TOP6BL: variants seen among roughly 807,000 people sequenced by gnomAD.
The protein encoded by TOP6BL is type 2 DNA topoisomerase 6 subunit B-like.
chr11:66,812,337 C>T, the TOP6BL span, among the ~76,000 whole-genome samples: 13 of 152,136 alleles, frequency 8.5e-5, no homozygotes, highest in Middle Eastern at 3.4e-3. Flanking sequence ...CCACTACGCC[C>T]GGCTAATTTT....
chr11:66,830,254 T>G, the TOP6BL span, among the ~76,000 whole-genome samples: 1 of 152,216 alleles, frequency 6.6e-6, no homozygotes, highest in Non-Finnish European at 1.5e-5. Context: ...AAAAGAAAGC[T>G]ATCTAGAAAA....
At chr11:66,818,784 T>C in the TOP6BL span, among the ~76,000 whole-genome samples, 1 of 152,192 alleles carries the variant, frequency 6.6e-6, no homozygotes, top group Non-Finnish European at 1.5e-5. Context: ...CCTTGGATAA[T>C]GCAAGCCTGA....
chr11:66,804,269 A>G, the TOP6BL span: 2 of 1,101,488 alleles, frequency 1.8e-6, no homozygotes, highest in Non-Finnish European at 2.5e-6. Context: ...AGCCTTTAGT[A>G]TGTGAATTCT....
the TOP6BL span, among the ~76,000 whole-genome samples, chr11:66,798,310 G>A: frequency 1.6e-4 from 25 of 151,998 alleles, no homozygotes; most frequent in Non-Finnish European, 3.1e-4. Flanking sequence ...TTAAAAAGGA[G>A]GTGAAGGGGC....
the TOP6BL span, among the ~76,000 whole-genome samples, chr11:66,823,395 C>T: frequency 1.3e-5 from 2 of 151,864 alleles, no homozygotes; most frequent in Non-Finnish European, 2.9e-5. Context: ...ATTTGCTCCA[C>T]TGTGATGCTA....
the TOP6BL span, among the ~76,000 whole-genome samples, chr11:66,837,230 C>T: frequency 6.6e-6 from 1 of 151,160 alleles, no homozygotes; most frequent in Non-Finnish European, 1.5e-5. Context: ...GGGTTCACGC[C>T]ATTCTTCTGC....
At chr11:66,786,743 CAGAAAG>C in the TOP6BL span, among the ~76,000 whole-genome samples, 19 of 152,210 alleles carry the variant, frequency 1.2e-4, no homozygotes, top group African/African-American at 4.3e-4. Context: ...TGCCTTAGGT[CAGAAAG>C]TTGATCAGTG....
the TOP6BL span, among the ~76,000 whole-genome samples, chr11:66,803,598 T>C: frequency 6.6e-6 from 1 of 152,290 alleles, no homozygotes; most frequent in South Asian, 2.1e-4. Context: ...ACAGCTATTG[T>C]ATCTTTAGTA....
chr11:66,790,829 T>C, the TOP6BL span, among the ~76,000 whole-genome samples: 1 of 152,184 alleles, frequency 6.6e-6, no homozygotes, highest in African/African-American at 2.4e-5. Context: ...AGGCTAGTTA[T>C]CTGCTTGGAT....
chr11:66,843,238 G>C, the TOP6BL span: 1 of 1,608,468 alleles, frequency 6.2e-7, no homozygotes, highest in South Asian at 1.1e-5. Context: ...GCCCTGAGCC[G>C]GGTCCCCTTC....
the TOP6BL span, among the ~76,000 whole-genome samples, chr11:66,770,084 GATT>G: frequency 6.6e-6 from 1 of 152,004 alleles, no homozygotes; most frequent in South Asian, 2.1e-4. Context: ...GGGAGAGAGA[GATT>G]ATTCTCTTTT....
the TOP6BL span, among the ~76,000 whole-genome samples, chr11:66,837,166 G>A: frequency 6.0e-4 from 91 of 151,096 alleles, 1 homozygote; most frequent in African/African-American, 1.9e-3. Flanking sequence ...TCACTCTGTC[G>A]CCCAGGCTGG....
the TOP6BL span, among the ~76,000 whole-genome samples, chr11:66,811,183 T>G: frequency 6.6e-6 from 1 of 151,192 alleles, no homozygotes; most frequent in Non-Finnish European, 1.5e-5. Flanking sequence ...ATTTCTTTTT[T>G]TTGAGATGGA....
the TOP6BL span, among the ~76,000 whole-genome samples, chr11:66,784,116 C>T: frequency 1.3e-5 from 2 of 152,068 alleles, no homozygotes; most frequent in African/African-American, 2.4e-5. Flanking sequence ...CTGCAAGCTC[C>T]ACCTCCTGGG....
At chr11:66,838,468 G>A in the TOP6BL span, 1 of 1,605,780 alleles carries the variant, frequency 6.2e-7, no homozygotes, top group South Asian at 1.1e-5. Flanking sequence ...CTTTTCAAGT[G>A]AGCCCTGGAC....
the TOP6BL span, among the ~76,000 whole-genome samples, chr11:66,789,024 G>A: frequency 6.6e-6 from 1 of 152,136 alleles, no homozygotes; most frequent in Non-Finnish European, 1.5e-5. Flanking sequence ...TGAGGGCCCT[G>A]CCTCCAAACA....
At chr11:66,825,796 C>T in the TOP6BL span, among the ~76,000 whole-genome samples, 1 of 151,740 alleles carries the variant, frequency 6.6e-6, no homozygotes, top group African/African-American at 2.4e-5. Flanking sequence ...TGTGTGCTGA[C>T]CAACTGGTAT....
the TOP6BL span, chr11:66,843,367 G>A: frequency 4.9e-6 from 7 of 1,443,144 alleles, no homozygotes; most frequent in African/African-American, 1.5e-5. Flanking sequence ...CGGGCGGGGC[G>A]GGGCGGGGCG....
the TOP6BL span, chr11:66,762,354 C>A: frequency 1.1e-5 from 4 of 373,842 alleles, no homozygotes; most frequent in South Asian, 7.5e-5. Context: ...AAGCCGGCGA[C>A]GCAGAAGCCC....
Sources: allele counts gnomAD v4.1 joint callset (sites outside exome capture counted in the v4.1 genomes callset), GRCh38; gene constraint gnomAD v4.1.1; transcripts MANE v1.5; gene names NCBI Gene and HGNC (gene_info 2026-07-23, HGNC 2026-07-21).